Variants in CDK19 observed in about 807,000 individuals in gnomAD.
CDK19 encodes the protein cyclin-dependent kinase 19.
CDK19 carries 20 observed loss-of-function variants against 68.3 expected under a neutral mutation model. The ratio of observed to expected loss-of-function variants is 0.29; its 90% confidence interval spans 0.21 to 0.43. The LOEUF (loss-of-function observed/expected upper bound fraction) is 0.43. Among genes scored for constraint, CDK19 ranks in the 20% least tolerant of loss-of-function variants. The pLI, the probability that CDK19 is intolerant of heterozygous loss-of-function variation, is 1.00. For synonymous variants in CDK19, 221 were observed against 222.8 expected, an observed-to-expected ratio of 0.99 and a Z score of 0.07; for missense variants, 339 against 623.5, an observed-to-expected ratio of 0.54 and a Z score of 4.86.
intron 1 of CDK19, among the ~76,000 whole-genome samples, chr6:110,752,902 T>G (rs533697954): frequency 6.7e-6 from 1 of 150,166 alleles, no homozygotes; most frequent in South Asian, 2.1e-4. Context: ...ACTAGTTATC[T>G]CGGGTTTTTT....
chr6:110,764,592 T>C (rs778359559), intron 1 of CDK19, among the ~76,000 whole-genome samples: 10 of 152,182 alleles, frequency 6.6e-5, no homozygotes, highest in Non-Finnish European at 4.4e-5. Context: ...ACACAGACCT[T>C]ACACCCTGCA....
intron 4 of CDK19, chr6:110,646,647 C>T (rs1780605905): frequency 3.8e-6 from 2 of 529,726 alleles, no homozygotes; most frequent in Non-Finnish European, 3.2e-6. Flanking sequence ...TTTTACTACT[C>T]CCTTTTCCCT....
chr6:110,808,051 T>C (rs1234215212), intron 1 of CDK19, among the ~76,000 whole-genome samples: 1 of 152,198 alleles, frequency 6.6e-6, no homozygotes, highest in Non-Finnish European at 1.5e-5. Flanking sequence ...CTCCTGTAAC[T>C]TGAAAAAAGA....
chr6:110,768,352 T>C (rs995478765), intron 1 of CDK19, among the ~76,000 whole-genome samples: 1 of 152,204 alleles, frequency 6.6e-6, no homozygotes, highest in Non-Finnish European at 1.5e-5. Flanking sequence ...AAACTAAACA[T>C]GTTCATGCCA....
chr6:110,633,690 C>A (rs976404075), intron 5 of CDK19, among the ~76,000 whole-genome samples: 3 of 152,202 alleles, frequency 2.0e-5, no homozygotes, highest in African/African-American at 4.8e-5. Flanking sequence ...TAACCAACAT[C>A]TTTTATCTAC....
chr6:110,732,425 T>C (rs1192928618), intron 2 of CDK19, among the ~76,000 whole-genome samples: 3 of 151,938 alleles, frequency 2.0e-5, no homozygotes, highest in Non-Finnish European at 4.4e-5. Flanking sequence ...AGCACAAGAA[T>C]CGCTTGAACC....
At chr6:110,778,235 T>C (rs1185304671) in intron 1 of CDK19, among the ~76,000 whole-genome samples, 2 of 152,274 alleles carry the variant, frequency 1.3e-5, no homozygotes, top group African/African-American at 4.8e-5. Context: ...TTATTTCATC[T>C]CCCAAAAAAC....
chr6:110,671,213 G>A (rs1018835239), intron 2 of CDK19, among the ~76,000 whole-genome samples: 1 of 152,048 alleles, frequency 6.6e-6, no homozygotes, highest in Non-Finnish European at 1.5e-5. Flanking sequence ...GGACTCTGAC[G>A]ATATGTAGGA....
intron 2 of CDK19, among the ~76,000 whole-genome samples, chr6:110,714,890 C>A (rs898828113): frequency 6.6e-6 from 1 of 151,806 alleles, no homozygotes; most frequent in Non-Finnish European, 1.5e-5. Context: ...TGCGCCACCA[C>A]GCCCGGCTAA....
intron 2 of CDK19, among the ~76,000 whole-genome samples, chr6:110,676,528 T>C (rs1342866626): frequency 1.3e-5 from 2 of 152,202 alleles, no homozygotes; most frequent in Non-Finnish European, 2.9e-5. Flanking sequence ...AGTTCATTGA[T>C]GCAGCAAACT....
chr6:110,741,048 G>A (rs1777623430), intron 2 of CDK19, among the ~76,000 whole-genome samples: 1 of 152,116 alleles, frequency 6.6e-6, no homozygotes, highest in African/African-American at 2.4e-5. Context: ...GATGAAAAAT[G>A]AACAGAGCCT....
At chr6:110,744,011 GTTTTTTTTTTT>G (rs5879078) in intron 2 of CDK19, among the ~76,000 whole-genome samples, 2 of 113,358 alleles carry the variant, frequency 1.8e-5, no homozygotes, top group South Asian at 5.9e-4. Context: ...ACCTCCCCAC[GTTTTTTTTTTT>G]TTTTTTTTTG....
chr6:110,623,843 C>G (rs1364825359), intron 8 of CDK19, among the ~76,000 whole-genome samples: 2 of 145,716 alleles, frequency 1.4e-5, no homozygotes, highest in African/African-American at 5.0e-5. Flanking sequence ...TATATATACA[C>G]ATATATACAT....
At chr6:110,686,009 A>G (rs1278477329) in intron 2 of CDK19, among the ~76,000 whole-genome samples, 1 of 152,180 alleles carries the variant, frequency 6.6e-6, no homozygotes, top group Non-Finnish European at 1.5e-5. Flanking sequence ...ATTACGTCCC[A>G]TGAAGCCTTG....
At chr6:110,781,004 G>A (rs908521418) in intron 1 of CDK19, among the ~76,000 whole-genome samples, 35 of 152,280 alleles carry the variant, frequency 2.3e-4, no homozygotes, top group East Asian at 1.2e-3. Flanking sequence ...ATAGCATTAT[G>A]TAGTTCTTTA....
In CDK19 at chr6:110,686,659, T is replaced by C. The variant is rs9400404; in HGVS notation, c.205-16118A>G. Among the ~76,000 whole-genome samples the C allele has an allele frequency of 0.022, 3,310 of 152,278 alleles. 362 individuals are homozygous for C. In the East Asian group the frequency reaches 0.36, roughly 16 times the overall value. ...TTGGTTAAATGAAATTTATTCCATA[T>C]TGAGAAAATATTATTTTCAAAACTG... is the stretch of plus-strand genomic sequence containing the variant. On this transcript the variant is annotated intron_variant, in intron 2 of 12. Transcript: ENST00000368911.
intron 1 of CDK19, among the ~76,000 whole-genome samples, chr6:110,812,312 C>T (rs1449407919): frequency 2.0e-5 from 3 of 151,944 alleles, no homozygotes; most frequent in South Asian, 2.1e-4. Context: ...TTAATAGAGA[C>T]GGGGTTTCAC....
chr6:110,633,775 G>T (rs1210345661), intron 5 of CDK19, among the ~76,000 whole-genome samples: 1 of 152,090 alleles, frequency 6.6e-6, no homozygotes, highest in African/African-American at 2.4e-5. Flanking sequence ...AAGAACACTG[G>T]TTTAATCAGT....
chr6:110,679,581 CAGCCTGAGCAACAAG>C (rs1463476694), intron 2 of CDK19, among the ~76,000 whole-genome samples: 4 of 152,226 alleles, frequency 2.6e-5, no homozygotes, highest in Admixed American at 2.6e-4. Flanking sequence ...CATTGCACTC[CAGCCTGAGCAACAAG>C]AGCAAAACTG....
Sources: allele counts gnomAD v4.1 joint callset (sites outside exome capture counted in the v4.1 genomes callset), GRCh38; gene constraint gnomAD v4.1.1; transcripts MANE v1.5; gene names NCBI Gene and HGNC (gene_info 2026-07-23, HGNC 2026-07-21).